PIK3R1: variants seen among roughly 807,000 people sequenced by gnomAD.
PIK3R1 encodes phosphoinositide-3-kinase regulatory subunit 1.
In PIK3R1, 29 loss-of-function variants were observed where a neutral mutation model predicts 98.0. The observed-to-expected ratio is 0.30, with a 90% CI of 0.22 to 0.40. The LOEUF is 0.40. Ranked by LOEUF, PIK3R1 falls within the 10% of genes least tolerant of loss-of-function variation. PIK3R1 has a pLI of 1.00. For missense variants in PIK3R1, 596 were observed against 872.7 expected, an observed-to-expected ratio of 0.68 and a Z score of 3.99; for synonymous variants, 282 against 311.8, an observed-to-expected ratio of 0.90 and a Z score of 1.01.
chr5:68,230,809 GTTTTA>G (rs1290818717), intron 2 of PIK3R1, among the ~76,000 whole-genome samples: 2 of 152,222 alleles, frequency 1.3e-5, no homozygotes, highest in South Asian at 2.1e-4. Context: ...TGAGGATGAC[GTTTTA>G]TTTTATTTTT....
At chr5:68,294,317 A>C (rs1167628551) in intron 11 of PIK3R1, among the ~76,000 whole-genome samples, 1 of 152,242 alleles carries the variant, frequency 6.6e-6, no homozygotes, top group Admixed American at 6.5e-5. Context: ...AATAGCTTTT[A>C]AGAAGATAAA....
At chr5:68,291,213 T>G (rs969514859) in intron 7 of PIK3R1, 8 of 163,664 alleles carry the variant, frequency 4.9e-5, no homozygotes, top group Middle Eastern at 2.6e-3. Flanking sequence ...TGTAGCACTT[T>G]GCAGTGATAA....
intron 3 of PIK3R1, 197 bp downstream of exon 3, chr5:68,273,679 A>C: frequency 1.7e-6 from 1 of 598,728 alleles, no homozygotes; most frequent in Non-Finnish European, 3.0e-6. Flanking sequence ...CTAGATTATC[A>C]TGTAGTTTCC....
Position 68,300,178 on chromosome 5 carries a change from A to G in PIK3R1, c.*2577A>G, listed in dbSNP as rs1233892986. 2 of 233,140 alleles carry G rather than the reference A, an allele frequency of 8.6e-6. No individual in the cohort carries two copies. 14.4% of individuals were successfully genotyped at this position (233,140 alleles called of 1,614,324 possible). ...GGCATTTGCCTTATTTTTGCATCTC[A>G]CAAACATAAGTGCAATAGATCTTTT... is the stretch of plus-strand genomic sequence containing the variant. On this transcript the variant is annotated 3_prime_UTR_variant, in exon 16 of 16. Transcript: ENST00000521381.
rs549785117 is a variant in PIK3R1, at chr5:68,256,216, AT to A, written c.335-17170del. 1.6e-4 allele frequency among the ~76,000 whole-genome samples: 24 copies of A among 152,298 alleles called. No individual in the cohort carries two copies. In the East Asian group the frequency reaches 4.4e-3, roughly 28 times the overall value. On this transcript the variant is annotated intron_variant, in intron 2 of 15. Coordinates refer to ENST00000521381, the MANE Select transcript of PIK3R1 (RefSeq NM_181523.3). Reference sequence around the variant, plus strand: ...AATATCAAAAAAAAAGTATAAAAACATTTTGTAATTTTTTATTTATTTATTT... The same window carrying A: ...AATATCAAAAAAAAAGTATAAAAACATTTGTAATTTTTTATTTATTTATTT...
chr5:68,220,915 G>A (rs1744070887), intron 1 of PIK3R1, among the ~76,000 whole-genome samples: 1 of 152,188 alleles, frequency 6.6e-6, no homozygotes, highest in African/African-American at 2.4e-5. Flanking sequence ...GGTGCTCTGG[G>A]TTGAATGTGT....
chr5:68,275,225 T>A (rs1746523495), intron 4 of PIK3R1, among the ~76,000 whole-genome samples: 1 of 152,232 alleles, frequency 6.6e-6, no homozygotes, highest in Non-Finnish European at 1.5e-5. Flanking sequence ...CTGCTCTGCC[T>A]CCTGCACTTC....
intron 2 of PIK3R1, among the ~76,000 whole-genome samples, chr5:68,272,552 A>AT (rs1313598114): frequency 1.3e-5 from 2 of 151,808 alleles, no homozygotes; most frequent in East Asian, 1.9e-4. Flanking sequence ...GGTCTTATTT[A>AT]TTTTTTTTGG....
intron 2 of PIK3R1, among the ~76,000 whole-genome samples, chr5:68,238,612 A>T (rs757213063): frequency 5.3e-5 from 8 of 152,180 alleles, no homozygotes; most frequent in South Asian, 4.1e-4. Flanking sequence ...TTCATGTGTA[A>T]GGGGGTAATG....
At chr5:68,281,642 C>T (rs1240967607) in intron 7 of PIK3R1, among the ~76,000 whole-genome samples, 1 of 152,108 alleles carries the variant, frequency 6.6e-6, no homozygotes, top group Non-Finnish European at 1.5e-5. Context: ...TTGCTATATA[C>T]CAGTTAAAAG....
chr5:68,298,804 ACT>A lies in PIK3R1; in HGVS notation c.*1206_*1207del, dbSNP rs1747872366. On this transcript the variant is annotated 3_prime_UTR_variant, in exon 16 of 16. Transcript: ENST00000521381. ...CTGAGTCCAACAATGTTGTTTTAAGACTCTTAAAATACGGTACCTGGCAATGT... is the reference window on the plus strand; with the variant it reads ...CTGAGTCCAACAATGTTGTTTTAAGACTTAAAATACGGTACCTGGCAATGT... 8.6e-6 allele frequency: 2 copies of A among 232,872 alleles called. No homozygotes were observed. Among genetic ancestry groups the A allele is most frequent in the South Asian group, 1.8e-4 (1 of 5,516 alleles). 14.4% of individuals were successfully genotyped at this position (232,872 alleles called of 1,614,324 possible). A position where few individuals can be genotyped will look rare whatever the true frequency, so the allele number is the denominator to read the frequency against.
intron 6 of PIK3R1, 88 bp downstream of exon 6, chr5:68,280,817 C>T: frequency 1.6e-6 from 2 of 1,272,702 alleles, no homozygotes; most frequent in Admixed American, 1.7e-5. Context: ...GAATATACTA[C>T]TCCAGAGATG....
chr5:68,218,450 G>A (rs1288271713), intron 1 of PIK3R1, among the ~76,000 whole-genome samples: 1 of 152,060 alleles, frequency 6.6e-6, no homozygotes, highest in East Asian at 1.9e-4. Flanking sequence ...TGGTCGTTCA[G>A]GGGAGTATTG....
chr5:68,263,382 T>C (rs16897558), intron 2 of PIK3R1, among the ~76,000 whole-genome samples: 29,434 of 151,324 alleles, frequency 0.19, 2,986 homozygotes, highest in South Asian at 0.22. Flanking sequence ...CTGAGCTTTT[T>C]TGAGAATGTA....
At chr5:68,261,503 T>A (rs180844650) in intron 2 of PIK3R1, among the ~76,000 whole-genome samples, 4,103 of 149,130 alleles carry the variant, frequency 0.028, 85 homozygotes, top group African/African-American at 0.052. Context: ...AATACTCTTT[T>A]AAAAAAAAAA....
At position 68,279,739 on chromosome 5, in the gene PIK3R1, T is replaced by C. The variant is rs199530427; in HGVS notation, c.634+6T>C. The C allele has an allele frequency of 1.2e-4, 195 of 1,613,950 alleles. No individual in the cohort carries two copies. The highest frequency in any genetic ancestry group is 6.7e-5 in the Admixed American group (4 of 59,994). On this transcript the variant is annotated splice_donor_region_variant and intron_variant, in intron 5 of 15. Coordinates refer to ENST00000521381, the MANE Select transcript of PIK3R1 (RefSeq NM_181523.3). Reference sequence around the variant, plus strand: ...AATGATTTCTTTAGCTCCAGGTTTGTTTTTTCTCTTCTGGGAACCTCATTG... The same window carrying C: ...AATGATTTCTTTAGCTCCAGGTTTGCTTTTTCTCTTCTGGGAACCTCATTG...
intron 2 of PIK3R1, among the ~76,000 whole-genome samples, chr5:68,256,227 TTTTA>T (rs1343362460): frequency 6.6e-6 from 1 of 152,228 alleles, no homozygotes; most frequent in Non-Finnish European, 1.5e-5. Context: ...TTTTGTAATT[TTTTA>T]TTTATTTATT....
intron 8 of PIK3R1, chr5:68,292,887 A>G (rs1324918576): frequency 2.9e-6 from 2 of 693,486 alleles, no homozygotes; most frequent in South Asian, 2.2e-5. Flanking sequence ...TAACATTTCT[A>G]TTTAAACAAA....
rs1744279201 is a variant in PIK3R1, at chr5:68,226,479, C to T, written c.-197C>T. Reference sequence around the variant, plus strand: ...AGTGGAGCCCTGTCTTCGGTCACACCATTGATGGAGGACAGATGGACAGCC... The same window carrying T: ...AGTGGAGCCCTGTCTTCGGTCACACTATTGATGGAGGACAGATGGACAGCC... On this transcript the variant is annotated 5_prime_UTR_variant, in exon 2 of 16. Coordinates refer to ENST00000521381, the MANE Select transcript of PIK3R1 (RefSeq NM_181523.3). 3 of 542,668 alleles carry T rather than the reference C, an allele frequency of 5.5e-6. No homozygotes were observed. The allele number at this position is 542,668 out of a possible 1,614,324, so 33.6% of individuals were successfully genotyped here.
Sources: gnomAD v4.1 joint callset for allele counts (sites outside exome capture counted in the v4.1 genomes callset) on GRCh38, gnomAD v4.1.1 for gene constraint, MANE v1.5 for transcripts, NCBI Gene and HGNC (gene_info 2026-07-23, HGNC 2026-07-21) for gene names.